Variants in RANBP2 observed in about 807,000 individuals in gnomAD.
RANBP2 encodes E3 SUMO-protein ligase RanBP2.
In RANBP2, 57 loss-of-function variants were observed where a neutral mutation model predicts 303.6. The observed-to-expected ratio is 0.19, with a 90% confidence interval of 0.15 to 0.23. RANBP2 has a LOEUF of 0.23. RANBP2 is among the 10% of genes least tolerant of loss of function. The probability of loss-of-function intolerance (pLI) is 1.00; values close to 1 mark genes in which losing one functional copy is unlikely to be tolerated. For missense variants in RANBP2, 3,138 were observed against 3,780.8 expected, an observed-to-expected ratio of 0.83 and a Z score of 4.46; for synonymous variants, 1,167 against 1,301.5, an observed-to-expected ratio of 0.90 and a Z score of 2.23.
the RANBP2 span, among the ~76,000 whole-genome samples, chr2:109,685,705 G>A: frequency 6.6e-6 from 1 of 152,244 alleles, no homozygotes; most frequent in Non-Finnish European, 1.5e-5. Context: ...GGGGTTGCTG[G>A]TTTGCTGTGG....
chr2:109,003,822 G>A, the RANBP2 span, among the ~76,000 whole-genome samples: 6 of 152,120 alleles, frequency 3.9e-5, no homozygotes, highest in Admixed American at 6.5e-5. Context: ...AAGGGACATC[G>A]GCAGGCAGCT....
At chr2:108,743,197 G>A (rs1696255188) in intron 7 of RANBP2, among the ~76,000 whole-genome samples, 1 of 152,248 alleles carries the variant, frequency 6.6e-6, no homozygotes, top group Admixed American at 6.5e-5. Context: ...ATAGCTCACT[G>A]TAACGTTGAA....
the RANBP2 span, chr2:109,398,993 A>C: frequency 1.3e-6 from 2 of 1,527,768 alleles, no homozygotes; most frequent in African/African-American, 3.0e-5. Context: ...CTGGGGTTCT[A>C]TCCTCAGCTC....
the RANBP2 span, chr2:108,910,903 C>T: frequency 1.2e-5 from 19 of 1,613,740 alleles, no homozygotes; most frequent in Middle Eastern, 3.3e-4. Context: ...GGGGAGTTGA[C>T]GGAGAGTCCA....
the RANBP2 span, among the ~76,000 whole-genome samples, chr2:109,195,098 T>C: frequency 6.6e-6 from 1 of 152,168 alleles, no homozygotes; most frequent in Non-Finnish European, 1.5e-5. Context: ...AAGAAGAGCA[T>C]TTTACACCTA....
the RANBP2 span, among the ~76,000 whole-genome samples, chr2:108,922,501 A>T: frequency 6.6e-6 from 1 of 152,188 alleles, no homozygotes; most frequent in Non-Finnish European, 1.5e-5. Flanking sequence ...GACCAAAAGG[A>T]GAGAGGAGAT....
rs768816823 is a variant in RANBP2, at chr2:108,782,767, A to G, written c.9274A>G (p.Thr3092Ala). Residue 3092 changes from threonine (T) to alanine (A), a missense_variant, in exon 28 of 29, where the codon ACT becomes GCT. This residue lies in a region of RANBP2 where 204 missense variants were observed against 228.4 expected (regional missense o/e 0.89). Coordinates refer to ENST00000283195, the MANE Select transcript of RANBP2 (RefSeq NM_006267.5). ...MELFSNIVPR[T>A]AENFRALCTG... is the part of the protein sequence containing the mutation. The stretch of plus-strand genomic sequence containing the variant: ...ATTATTTTCAAACATTGTTCCTCGG[A>G]CTGCTGAGAACTTCAGAGCACTATG... 1 of 1,614,184 alleles carries G rather than the reference A, an allele frequency of 6.2e-7. No individual in the cohort carries two copies.
chr2:109,357,203 A>G, the RANBP2 span, among the ~76,000 whole-genome samples: 1 of 150,540 alleles, frequency 6.6e-6, no homozygotes, highest in Non-Finnish European at 1.5e-5. Context: ...TTTTTTTGAG[A>G]CGGAGTCTTA....
At chr2:109,082,917 C>T in the RANBP2 span, among the ~76,000 whole-genome samples, 1,227 of 151,780 alleles carry the variant, frequency 8.1e-3, 12 homozygotes, top group East Asian at 0.037. Flanking sequence ...GCTCCGCCTC[C>T]TGGGTTCACG....
At chr2:109,335,980 G>A in the RANBP2 span, among the ~76,000 whole-genome samples, 5 of 152,222 alleles carry the variant, frequency 3.3e-5, no homozygotes, top group African/African-American at 1.2e-4. Context: ...ATAGCACGAT[G>A]TTGTCGAGAC....
chr2:109,040,625 A>G, the RANBP2 span, among the ~76,000 whole-genome samples: 5 of 152,178 alleles, frequency 3.3e-5, no homozygotes, highest in Non-Finnish European at 7.3e-5. Context: ...TTAGTTCTTT[A>G]ATTTTCTCAC....
the RANBP2 span, among the ~76,000 whole-genome samples, chr2:109,562,425 A>G: frequency 2.0e-5 from 3 of 149,384 alleles, no homozygotes; most frequent in Non-Finnish European, 4.5e-5. Context: ...ACCCCTCAAC[A>G]GAGACTCTAC....
At chr2:108,989,712 A>C in the RANBP2 span, among the ~76,000 whole-genome samples, 30 of 151,764 alleles carry the variant, frequency 2.0e-4, no homozygotes, top group Non-Finnish European at 3.1e-4. Context: ...AACCATACAC[A>C]CCCCCCGTAT....
At chr2:109,600,842 C>A in the RANBP2 span, among the ~76,000 whole-genome samples, 586 of 152,346 alleles carry the variant, frequency 3.8e-3, 2 homozygotes, top group African/African-American at 0.013. Flanking sequence ...CCCCACAACC[C>A]CCATCTCGGG....
chr2:109,615,278 G>T, the RANBP2 span: 1 of 1,586,090 alleles, frequency 6.3e-7, no homozygotes. Context: ...GCTCCGTGAC[G>T]CTGGACCCCC....
the RANBP2 span, chr2:109,501,826 G>C: frequency 1.7e-6 from 1 of 595,432 alleles, no homozygotes; most frequent in East Asian, 2.8e-5. Flanking sequence ...GCCAGGGACT[G>C]TGGAGGTCGT....
At chr2:109,046,107 A>G in the RANBP2 span, among the ~76,000 whole-genome samples, 5 of 151,834 alleles carry the variant, frequency 3.3e-5, no homozygotes, top group African/African-American at 1.2e-4. Flanking sequence ...GATTGAGACC[A>G]TCCTGGCTAA....
chr2:108,956,259 C>A, the RANBP2 span, among the ~76,000 whole-genome samples: 1 of 152,168 alleles, frequency 6.6e-6, no homozygotes, highest in African/African-American at 2.4e-5. Context: ...CAATGAACAT[C>A]TTTGTGCCTG....
In RANBP2 at chr2:108,765,031, A is replaced by G; in HGVS notation, c.4492A>G (p.Lys1498Glu). ...GGTACAAAATGAGGGGAGCTCTACA[A>G]AATGTGCTGCTTGTCAGAATCCGAG... is the stretch of plus-strand genomic sequence containing the variant. ...CLVQNEGSST[K>E]CAACQNPRKQ... The change falls in exon 20 of 29, where the codon AAA (lysine) becomes GAA (glutamate). Residue 1498 changes from lysine (K) to glutamate (E), a missense_variant. Lys to Glu is a moderately conservative substitution (Grantham distance 56). Transcript: ENST00000283195. The G allele has an allele frequency of 6.2e-7, 1 of 1,614,004 alleles. No individual in the cohort carries two copies.
Sources: allele counts gnomAD v4.1 joint callset (sites outside exome capture counted in the v4.1 genomes callset), GRCh38; gene constraint gnomAD v4.1.1; regional missense constraint gnomAD v4.1.1; transcripts MANE v1.5; gene names NCBI Gene and HGNC (gene_info 2026-07-23, HGNC 2026-07-21).